Variants in FGF10 observed in about 807,000 individuals in gnomAD.
FGF10 encodes the protein FGF-10.
A neutral mutation model predicts 19.8 loss-of-function variants in FGF10; 2 were observed. That is an observed-to-expected ratio of 0.10 (90% confidence interval 0.04 to 0.32). FGF10 has a LOEUF of 0.32. Among genes scored for constraint, FGF10 ranks in the 10% least tolerant of loss-of-function variants. The pLI is 1.00. For missense variants in FGF10, 191 were observed against 246.3 expected (o/e 0.78, Z 1.50); for synonymous variants, 112 against 94.0 (o/e 1.19, Z -1.10).
Position 44,303,751 on chromosome 5 carries a change from C to T in FGF10, c.*1244G>A, listed in dbSNP as rs962735068. ...TAGAACAGGTTTTTGTATATGGTTA[C>T]ACATATACCAGTATATATTTGATTT... On this transcript the variant is annotated 3_prime_UTR_variant, in exon 3 of 3. Transcript: ENST00000264664. The T allele has an allele frequency of 1.3e-5, 2 of 152,126 alleles. No individual in the cohort carries two copies. The highest frequency in any genetic ancestry group is 2.1e-4 in the South Asian group (1 of 4,832). The allele number at this position is 152,126 out of a possible 1,614,324, so 9.4% of individuals were successfully genotyped here. A position where few individuals can be genotyped will look rare whatever the true frequency, so the allele number is the denominator to read the frequency against.
chr5:44,332,208 T>C (rs562095484), intron 1 of FGF10, among the ~76,000 whole-genome samples: 22 of 152,266 alleles, frequency 1.4e-4, no homozygotes, highest in South Asian at 6.2e-4. Context: ...TTGGAAGCTG[T>C]ATGAATTTGA....
chr5:44,333,519 T>A (rs1413709478), intron 1 of FGF10, among the ~76,000 whole-genome samples: 1 of 152,200 alleles, frequency 6.6e-6, no homozygotes, highest in Non-Finnish European at 1.5e-5. Context: ...AGCATCACTA[T>A]GTCCTTGACC....
chr5:44,307,725 A>G (rs535132580), intron 2 of FGF10, among the ~76,000 whole-genome samples: 1 of 152,344 alleles, frequency 6.6e-6, no homozygotes, highest in South Asian at 2.1e-4. Context: ...ATACAGAATT[A>G]TATTAGATAT....
intron 1 of FGF10, among the ~76,000 whole-genome samples, chr5:44,332,041 T>C (rs1205775998): frequency 6.6e-6 from 1 of 151,998 alleles, no homozygotes. Context: ...CAACGAATAC[T>C]ATTAAACCCA....
At chr5:44,371,467 T>A (rs1357400412) in intron 1 of FGF10, among the ~76,000 whole-genome samples, 1 of 152,150 alleles carries the variant, frequency 6.6e-6, no homozygotes, top group Non-Finnish European at 1.5e-5. Context: ...AAATTGGTCT[T>A]CTCTCACCTT....
rs192557284 is a variant in FGF10, at chr5:44,300,633, G to C, written c.*4362C>G. On this transcript the variant is annotated 3_prime_UTR_variant, in exon 3 of 3. Transcript: ENST00000264664. ...TAATTGGAATTGGTGGGAAATATAG[G>C]AATAGAAAATGTTTTTATGTCACAG... 1.4e-4 allele frequency among the ~76,000 whole-genome samples: 21 copies of C among 152,272 alleles called. No homozygotes were observed. The highest frequency in any genetic ancestry group is 5.1e-4 in the African/African-American group (21 of 41,568).
intron 2 of FGF10, among the ~76,000 whole-genome samples, chr5:44,308,945 C>G (rs768884709): frequency 6.6e-6 from 1 of 152,028 alleles, no homozygotes; most frequent in Non-Finnish European, 1.5e-5. Context: ...TTTAATAAGC[C>G]CTTCCACTGA....
At chr5:44,323,189 G>A (rs182573692) in intron 1 of FGF10, among the ~76,000 whole-genome samples, 18 of 152,084 alleles carry the variant, frequency 1.2e-4, no homozygotes, top group African/African-American at 4.1e-4. Context: ...ACTCACACTT[G>A]GCAAAGAAAG....
chr5:44,388,842 C>A lies in FGF10; in HGVS notation c.-160G>T. On this transcript the variant is annotated 5_prime_UTR_variant, in exon 1 of 3. Coordinates refer to ENST00000264664, the MANE Select transcript of FGF10 (RefSeq NM_004465.2). ...GAAGTGAATGCACCAACATCCATAA[C>A]TCCTCGGAAAAGCCGGCTGACTCCC... The A allele has an allele frequency of 1.4e-6, 1 of 740,226 alleles. No individual in the cohort carries two copies. The highest frequency in any genetic ancestry group is 2.4e-6 in the Non-Finnish European group (1 of 416,626). The allele number at this position is 740,226 out of a possible 1,614,324, so 45.9% of individuals were successfully genotyped here. A position where few individuals can be genotyped will look rare whatever the true frequency, so the allele number is the denominator to read the frequency against.
intron 1 of FGF10, among the ~76,000 whole-genome samples, chr5:44,357,705 G>A (rs79970442): frequency 0.012 from 1,873 of 151,508 alleles, 15 homozygotes; most frequent in Non-Finnish European, 0.015. Context: ...TTTGTGAGGT[G>A]CTTAGGTAGT....
At chr5:44,312,149 G>T (rs1007081248) in intron 1 of FGF10, among the ~76,000 whole-genome samples, 9 of 151,704 alleles carry the variant, frequency 5.9e-5, no homozygotes, top group Admixed American at 4.6e-4. Flanking sequence ...GACATTATTT[G>T]TGTTTTTTTA....
At chr5:44,364,119 CT>C (rs1741551733) in intron 1 of FGF10, among the ~76,000 whole-genome samples, 1 of 151,788 alleles carries the variant, frequency 6.6e-6, no homozygotes, top group Non-Finnish European at 1.5e-5. Context: ...ACATTTTCTT[CT>C]TTTGAAAATT....
At chr5:44,360,138 C>T (rs969797337) in intron 1 of FGF10, among the ~76,000 whole-genome samples, 1 of 151,556 alleles carries the variant, frequency 6.6e-6, no homozygotes, top group Non-Finnish European at 1.5e-5. Context: ...CATGGAATAG[C>T]TTTTGCCAAA....
chr5:44,349,585 G>A (rs1254109504), intron 1 of FGF10, among the ~76,000 whole-genome samples: 1 of 145,488 alleles, frequency 6.9e-6, no homozygotes, highest in East Asian at 2.0e-4. Flanking sequence ...CACTAAGTTA[G>A]ATATGGCCAA....
chr5:44,333,471 C>A (rs1326098638), intron 1 of FGF10, among the ~76,000 whole-genome samples: 5 of 152,104 alleles, frequency 3.3e-5, no homozygotes, highest in African/African-American at 1.2e-4. Flanking sequence ...TAAAGTATAA[C>A]AAAATTTATA....
intron 1 of FGF10, among the ~76,000 whole-genome samples, chr5:44,363,799 G>A (rs1315400868): frequency 2.0e-5 from 3 of 151,730 alleles, no homozygotes; most frequent in Admixed American, 6.6e-5. Flanking sequence ...ACATATTCAC[G>A]TGAAATTATT....
At chr5:44,377,354 C>A in intron 1 of FGF10, among the ~76,000 whole-genome samples, 1 of 152,012 alleles carries the variant, frequency 6.6e-6, no homozygotes, top group African/African-American at 2.4e-5. Context: ...AGGGTATGAG[C>A]CAAAAAGGTC....
chr5:44,368,755 T>A (rs1415781438), intron 1 of FGF10, among the ~76,000 whole-genome samples: 1 of 152,066 alleles, frequency 6.6e-6, no homozygotes, highest in African/African-American at 2.4e-5. Flanking sequence ...TGCAGCCTCA[T>A]CCTAAGTGAA....
At chr5:44,343,662 T>C (rs1401304093) in intron 1 of FGF10, among the ~76,000 whole-genome samples, 7 of 151,972 alleles carry the variant, frequency 4.6e-5, no homozygotes, top group Non-Finnish European at 8.8e-5. Context: ...CTTGCTTATC[T>C]CCCTTTCCAA....
Sources: gnomAD v4.1 joint callset for allele counts (sites outside exome capture counted in the v4.1 genomes callset) on GRCh38, gnomAD v4.1.1 for gene constraint, MANE v1.5 for transcripts, NCBI Gene and HGNC (gene_info 2026-07-23, HGNC 2026-07-21) for gene names.